The following OCIAD1 variants were observed in gnomAD, a reference collection of about 807,000 sequenced individuals.
OCIAD1 encodes OCIA domain-containing protein 1.
A neutral mutation model predicts 38.9 loss-of-function variants in OCIAD1; 29 were observed. The ratio of observed to expected loss-of-function variants is 0.74; its 90% CI spans 0.55 to 1.02. The LOEUF is 1.02. Ranked by LOEUF, OCIAD1 falls within the 50% of genes least tolerant of loss-of-function variation. The pLI, the probability that OCIAD1 is intolerant of heterozygous loss-of-function variation, is 0.00. For synonymous variants in OCIAD1, 110 were observed against 92.0 expected, an observed-to-expected ratio of 1.20 and a Z score of -1.12; for missense variants, 288 against 289.6, an observed-to-expected ratio of 0.99 and a Z score of 0.04.
At chr4:48,824,544 C>CTTATTA (rs146978409) in intron 1 of OCIAD1, among the ~76,000 whole-genome samples, 6 of 150,754 alleles carry the variant, frequency 4.0e-5, no homozygotes, top group African/African-American at 1.2e-4. Flanking sequence ...GCACACCCAC[C>CTTATTA]TTATTATTAT....
intron 1 of OCIAD1, among the ~76,000 whole-genome samples, chr4:48,816,396 G>T (rs1015557019): frequency 1.1e-4 from 17 of 152,156 alleles, no homozygotes; most frequent in Non-Finnish European, 2.1e-4. Flanking sequence ...AGCTGGGCAT[G>T]GTGGCACATG....
intron 3 of OCIAD1, 93 bp downstream of exon 3, chr4:48,833,574 A>G: frequency 1.3e-6 from 1 of 763,458 alleles, no homozygotes; most frequent in Non-Finnish European, 2.2e-6. Context: ...ATAACTCCGT[A>G]TAGAACAAAT....
intron 6 of OCIAD1, among the ~76,000 whole-genome samples, chr4:48,850,317 G>A (rs1779324273): frequency 6.6e-6 from 1 of 152,148 alleles, no homozygotes; most frequent in Non-Finnish European, 1.5e-5. Flanking sequence ...GGAGTACAAT[G>A]GCATGATCCT....
At chr4:48,854,578 A>G (rs893868914) in intron 7 of OCIAD1, among the ~76,000 whole-genome samples, 3 of 152,200 alleles carry the variant, frequency 2.0e-5, no homozygotes, top group African/African-American at 4.8e-5. Context: ...TTTCCATACA[A>G]AAGCCAACAA....
At chr4:48,860,656 A>G (rs1780521027) in intron 8 of OCIAD1, 69 bp from the exon 9 acceptor site, 14 of 1,168,126 alleles carry the variant, frequency 1.2e-5, no homozygotes, top group Non-Finnish European at 1.8e-5. Flanking sequence ...CATCATAGCA[A>G]CAAACTTAAA....
chr4:48,817,084 G>T (rs1362983695), intron 1 of OCIAD1, among the ~76,000 whole-genome samples: 4 of 152,162 alleles, frequency 2.6e-5, no homozygotes, highest in Non-Finnish European at 5.9e-5. Context: ...TCCAGCTGAG[G>T]CACCCAGTTC....
At chr4:48,858,167 CA>C (rs1273083464) in intron 8 of OCIAD1, among the ~76,000 whole-genome samples, 1 of 151,588 alleles carries the variant, frequency 6.6e-6, no homozygotes, top group East Asian at 1.9e-4. Flanking sequence ...CTCCCCCCGC[CA>C]AAAAAAGGAA....
At position 48,860,967 on chromosome 4, in the gene OCIAD1, A is replaced by T; in HGVS notation, c.*205A>T. On this transcript the variant is annotated 3_prime_UTR_variant, in exon 9 of 9. Coordinates refer to ENST00000264312, the MANE Select transcript of OCIAD1 (RefSeq NM_017830.4). ...TTGTGTAAATGTACTCACCTTAGGG[A>T]TTCATTTGAATGATGGTATTATACC... 1 of 547,156 alleles carries T rather than the reference A, an allele frequency of 1.8e-6. No homozygotes were observed. Among genetic ancestry groups the T allele is most frequent in the Non-Finnish European group, 3.3e-6 (1 of 307,266 alleles). 33.9% of individuals were successfully genotyped at this position (547,156 alleles called of 1,614,324 possible). A position where few individuals can be genotyped will look rare whatever the true frequency, so the allele number is the denominator to read the frequency against.
At chr4:48,827,769 C>T (rs1193429364), upstream of OCIAD1, among the ~76,000 whole-genome samples, 1 of 152,238 alleles carries the variant, frequency 6.6e-6, no homozygotes, top group Non-Finnish European at 1.5e-5. Context: ...CTATTGCAGG[C>T]ACGTGGCGTG....
chr4:48,817,426 T>G (rs1777154531), intron 1 of OCIAD1, among the ~76,000 whole-genome samples: 1 of 152,030 alleles, frequency 6.6e-6, no homozygotes, highest in Admixed American at 6.6e-5. Flanking sequence ...ACTACACTTT[T>G]TCCATGGTTT....
At chr4:48,806,589 C>A (rs948729503) in intron 1 of OCIAD1, among the ~76,000 whole-genome samples, 9 of 152,058 alleles carry the variant, frequency 5.9e-5, no homozygotes, top group African/African-American at 2.2e-4. Flanking sequence ...TATCACTGCC[C>A]TTGCCCTTTT....
chr4:48,831,471 G>C (rs1245509721), intron 1 of OCIAD1: 6 of 1,289,074 alleles, frequency 4.7e-6, no homozygotes, highest in Non-Finnish European at 6.1e-6. Context: ...ATGCGTGTGG[G>C]GTTGCTGCTC....
chr4:48,836,569 T>A (rs1778010036), intron 3 of OCIAD1, among the ~76,000 whole-genome samples: 1 of 152,206 alleles, frequency 6.6e-6, no homozygotes, highest in African/African-American at 2.4e-5. Flanking sequence ...AGTGTAGAGA[T>A]AAAAGCATAA....
Position 48,842,669 on chromosome 4 carries a change from C to T in OCIAD1, c.173C>T (p.Thr58Ile). Residue 58 changes from threonine to isoleucine, a missense_variant, in exon 4 of 9, where the codon ACT (threonine) becomes ATT (isoleucine). Thr to Ile is a moderately conservative substitution (Grantham distance 89, BLOSUM62 -1). Coordinates refer to ENST00000264312, the MANE Select transcript of OCIAD1 (RefSeq NM_017830.4). ...TTGGCTGCAACAAGTATGTTGATTA[C>T]TCAAGGATTAATTAGTAAAGGTAAA... ...VPLAATSMLI[T>I]QGLISKGILS... 6.4e-7 allele frequency: 1 copy of T among 1,564,926 alleles called. No homozygotes were observed. The highest frequency in any genetic ancestry group is 8.7e-7 in the Non-Finnish European group (1 of 1,153,664).
At chr4:48,836,462 T>C (rs1777999387) in intron 3 of OCIAD1, among the ~76,000 whole-genome samples, 1 of 152,170 alleles carries the variant, frequency 6.6e-6, no homozygotes, top group African/African-American at 2.4e-5. Flanking sequence ...CAACATTCGA[T>C]TGTCGAAGAT....
At chr4:48,845,882 A>G (rs1778936031) in intron 4 of OCIAD1, among the ~76,000 whole-genome samples, 1 of 152,234 alleles carries the variant, frequency 6.6e-6, no homozygotes, top group African/African-American at 2.4e-5. Flanking sequence ...TAATGCAACC[A>G]TATGTCACAA....
intron 8 of OCIAD1, among the ~76,000 whole-genome samples, chr4:48,859,654 G>A (rs1780426920): frequency 6.6e-6 from 1 of 152,068 alleles, no homozygotes; most frequent in Non-Finnish European, 1.5e-5. Context: ...CTGGTTTTTT[G>A]TGTGCTTTAT....
chr4:48,826,423 G>A (rs1484521904), upstream of OCIAD1, among the ~76,000 whole-genome samples: 3 of 152,042 alleles, frequency 2.0e-5, no homozygotes, highest in South Asian at 2.1e-4. Flanking sequence ...CTGTCCTTGC[G>A]ATAGTTTGCT....
At chr4:48,850,698 G>A (rs1205820176) in intron 6 of OCIAD1, among the ~76,000 whole-genome samples, 1 of 152,006 alleles carries the variant, frequency 6.6e-6, no homozygotes, top group Non-Finnish European at 1.5e-5. Context: ...CTCAGCCTCT[G>A]GAGTAGCTGA....
Sources: gnomAD v4.1 joint callset for allele counts (sites outside exome capture counted in the v4.1 genomes callset) on GRCh38, gnomAD v4.1.1 for gene constraint, MANE v1.5 for transcripts, NCBI Gene and HGNC (gene_info 2026-07-23, HGNC 2026-07-21) for gene names.